GPBP1L1: variants seen among roughly 807,000 people sequenced by gnomAD.
The protein encoded by GPBP1L1 is vasculin-like protein 1.
In GPBP1L1, 23 loss-of-function variants were observed where a neutral mutation model predicts 52.5. The ratio of observed to expected loss-of-function variants is 0.44; its 90% CI spans 0.32 to 0.62. The LOEUF (loss-of-function observed/expected upper bound fraction) is 0.62. GPBP1L1 is among the 20% of genes least tolerant of loss of function. The pLI is 0.06. For missense variants in GPBP1L1, 596 were observed against 579.3 expected, an observed-to-expected ratio of 1.03 and a Z score of -0.30; for synonymous variants, 243 against 203.1, an observed-to-expected ratio of 1.20 and a Z score of -1.67.
chr1:45,635,422 T>C (rs1430518317), intron 8 of GPBP1L1: 1 of 152,196 alleles, frequency 6.6e-6, no homozygotes, highest in African/African-American at 2.4e-5. Context: ...CCCTGAGTTG[T>C]AGTCACCAGA....
intron 6 of GPBP1L1, among the ~76,000 whole-genome samples, chr1:45,647,523 TA>T (rs1644765482): frequency 6.6e-6 from 1 of 152,336 alleles, no homozygotes; most frequent in East Asian, 1.9e-4. Flanking sequence ...CTGGACACTT[TA>T]AAACTTTTCC....
Position 45,680,091 on chromosome 1 carries a change from T to C in GPBP1L1, c.-1098+5485A>G, listed in dbSNP as rs555524462. On this transcript the variant is annotated intron_variant, in intron 2 of 12. Coordinates refer to ENST00000355105, the MANE Select transcript of GPBP1L1 (RefSeq NM_021639.5). ...CAAGACCCTGTCTCTACAAAATAAA[T>C]AAACTTTTATCAGTTTCAGCAGCAC... Among the ~76,000 whole-genome samples, 53 of 152,094 alleles carry C rather than the reference T, an allele frequency of 3.5e-4. 1 individual carries two copies. The Middle Eastern group carries it at 0.034, about 98-fold the overall frequency.
In GPBP1L1 at chr1:45,630,538, G is replaced by A. The variant is rs573775619; in HGVS notation, c.1113C>T (p.Ala371=). 4 of 1,613,910 alleles carry A rather than the reference G, an allele frequency of 2.5e-6. No individual in the cohort carries two copies. The African/African-American group carries it at 5.3e-5, about 22-fold the overall frequency. ...CCTCCCCTTCTTCCACTACAGGGAG[G>A]GCAAGACCATTTTGATGACAGCCTT... The part of the protein sequence containing the change: ...GEEGCHQNGL[A]LPVVEEGEVL... The change falls in exon 11 of 13, where the codon GCC becomes GCT. Residue 371 remains alanine, a synonymous_variant. Transcript: ENST00000355105.
In GPBP1L1 at chr1:45,660,279, T is replaced by C. The variant is rs1457364444; in HGVS notation, c.-151A>G. ...TTGTTAAAAGGGTGCTTAAGTAACCTGGCCGGCAGCACGACTTATGATGAA... is the reference window on the plus strand; with the variant it reads ...TTGTTAAAAGGGTGCTTAAGTAACCCGGCCGGCAGCACGACTTATGATGAA... On this transcript the variant is annotated 5_prime_UTR_variant, in exon 3 of 13. Coordinates refer to ENST00000355105, the MANE Select transcript of GPBP1L1 (RefSeq NM_021639.5). 1.1e-5 allele frequency: 11 copies of C among 985,258 alleles called. No homozygotes were observed. Among genetic ancestry groups the C allele is most frequent in the Non-Finnish European group, 1.3e-5 (11 of 829,934 alleles). The allele number at this position is 985,258 out of a possible 1,614,324, so 61.0% of individuals were successfully genotyped here. A position where few individuals can be genotyped will look rare whatever the true frequency, so the allele number is the denominator to read the frequency against.
chr1:45,628,871 C>G (rs1644492450), intron 12 of GPBP1L1, among the ~76,000 whole-genome samples: 1 of 152,170 alleles, frequency 6.6e-6, no homozygotes, highest in Non-Finnish European at 1.5e-5. Flanking sequence ...ACCATATTGG[C>G]CAGTATGCTC....
At chr1:45,657,291 T>C (rs952998411) in intron 4 of GPBP1L1, among the ~76,000 whole-genome samples, 2 of 152,140 alleles carry the variant, frequency 1.3e-5, no homozygotes, top group Admixed American at 1.3e-4. Context: ...CCCAGCACTT[T>C]GGGAGACTGA....
At chr1:45,676,136 A>T (rs1645136137) in intron 2 of GPBP1L1, among the ~76,000 whole-genome samples, 1 of 152,328 alleles carries the variant, frequency 6.6e-6, no homozygotes, top group South Asian at 2.1e-4. Context: ...AACAGAAAAG[A>T]GCCCAAAGCC....
At chr1:45,665,193 G>A (rs1461194446) in intron 2 of GPBP1L1, among the ~76,000 whole-genome samples, 2 of 152,204 alleles carry the variant, frequency 1.3e-5, no homozygotes, top group East Asian at 3.9e-4. Context: ...GGGAGGCTGA[G>A]GCAGGAGAAT....
intron 2 of GPBP1L1, among the ~76,000 whole-genome samples, chr1:45,672,580 G>GTC (rs1467567581): frequency 2.0e-5 from 3 of 152,176 alleles, no homozygotes; most frequent in Non-Finnish European, 4.4e-5. Flanking sequence ...AAGTGGAGAT[G>GTC]TTAAGTAGAT....
At chr1:45,633,859 T>C in intron 9 of GPBP1L1, 1 of 658,894 alleles carries the variant, frequency 1.5e-6, no homozygotes, top group East Asian at 2.7e-5. Flanking sequence ...TTGATCTTTC[T>C]ACAGACATCA....
Position 45,654,694 on chromosome 1 carries a change from C to T in GPBP1L1, c.326G>A (p.Arg109His), listed in dbSNP as rs750824094. The T allele has an allele frequency of 1.9e-5, 31 of 1,614,066 alleles. No homozygotes were observed. Among genetic ancestry groups the T allele is most frequent in the Non-Finnish European group, 2.4e-5 (28 of 1,180,034 alleles). The change falls in exon 6 of 13, where the codon CGT becomes CAT. Residue 109 changes from arginine to histidine, a missense_variant. Coordinates refer to ENST00000355105, the MANE Select transcript of GPBP1L1 (RefSeq NM_021639.5). Reference sequence around the variant, plus strand: ...ATGGTTCCCTGTGCCACCTCCACTACGTTGGCTCATGCCATCATGACCTCG... The same window carrying T: ...ATGGTTCCCTGTGCCACCTCCACTATGTTGGCTCATGCCATCATGACCTCG... ...SSRGHDGMSQ[R>H]SGGGTGNHRH...
intron 2 of GPBP1L1, among the ~76,000 whole-genome samples, chr1:45,661,639 T>C (rs1370926591): frequency 6.6e-6 from 1 of 152,112 alleles, no homozygotes; most frequent in Non-Finnish European, 1.5e-5. Context: ...GTATCTTTAG[T>C]AGACATGGGG....
intron 2 of GPBP1L1, among the ~76,000 whole-genome samples, chr1:45,670,784 TG>T (rs1645064507): frequency 2.0e-5 from 3 of 147,516 alleles, no homozygotes; most frequent in African/African-American, 7.5e-5. Context: ...TACTACCATA[TG>T]TCTTTTTTTT....
chr1:45,662,478 G>T (rs2148486342), intron 2 of GPBP1L1, among the ~76,000 whole-genome samples: 1 of 152,196 alleles, frequency 6.6e-6, no homozygotes, highest in African/African-American at 2.4e-5. Context: ...AAGAATTTTT[G>T]CATCTATGGG....
At chr1:45,684,972 T>C (rs989392276) in intron 2 of GPBP1L1, among the ~76,000 whole-genome samples, 1 of 152,168 alleles carries the variant, frequency 6.6e-6, no homozygotes, top group Non-Finnish European at 1.5e-5. Flanking sequence ...ATCTTTTAAA[T>C]AGATACAGGC....
At chr1:45,633,359 GT>G in intron 10 of GPBP1L1, 129 bp downstream of exon 10, 1 of 911,494 alleles carries the variant, frequency 1.1e-6, no homozygotes, top group Non-Finnish European at 1.7e-6. Context: ...CTAGAAGGCA[GT>G]TACACCTACA....
intron 2 of GPBP1L1, among the ~76,000 whole-genome samples, chr1:45,681,783 A>C (rs1645215386): frequency 6.6e-6 from 1 of 152,222 alleles, no homozygotes; most frequent in Non-Finnish European, 1.5e-5. Flanking sequence ...TAATTCACTC[A>C]AAGTCACAAA....
At chr1:45,644,586 TCCC>T (rs1553180311) in intron 6 of GPBP1L1, among the ~76,000 whole-genome samples, 2 of 152,062 alleles carry the variant, frequency 1.3e-5, no homozygotes, top group Non-Finnish European at 2.9e-5. Flanking sequence ...CCATTGTGTC[TCCC>T]TTGACACTAT....
Position 45,660,446 on chromosome 1 carries a change from T to C in GPBP1L1, c.-318A>G. 7 of 944,682 alleles carry C rather than the reference T, an allele frequency of 7.4e-6. No individual in the cohort carries two copies. The highest frequency in any genetic ancestry group is 8.8e-6 in the Non-Finnish European group (7 of 793,994). 58.5% of individuals were successfully genotyped at this position (944,682 alleles called of 1,614,324 possible). On this transcript the variant is annotated 5_prime_UTR_variant, in exon 3 of 13. It removes the in-frame stop codon of an upstream open reading frame in the 5' UTR. Transcript: ENST00000355105. ...GAAGGGGAACATAAAAAGTATTTGTTACATTTAAAAAGGGGGGGAAGGGGA... is the reference window on the plus strand; with the variant it reads ...GAAGGGGAACATAAAAAGTATTTGTCACATTTAAAAAGGGGGGGAAGGGGA...
Sources: allele counts gnomAD v4.1 joint callset (sites outside exome capture counted in the v4.1 genomes callset), GRCh38; gene constraint gnomAD v4.1.1; transcripts MANE v1.5; gene names NCBI Gene and HGNC (gene_info 2026-07-23, HGNC 2026-07-21).